The following RIMS2 variants were observed in gnomAD, a reference collection of about 807,000 sequenced individuals.
The protein encoded by RIMS2 is regulating synaptic membrane exocytosis 2, also known as regulating synaptic membrane exocytosis protein 2.
Under a neutral mutation model 174.4 loss-of-function variants are expected in RIMS2, and 59 were observed. The ratio of observed to expected loss-of-function variants is 0.34; its 90% CI spans 0.27 to 0.42. RIMS2 has a LOEUF of 0.42. Ranked by LOEUF, RIMS2 falls within the 10% of genes least tolerant of loss-of-function variation. The pLI is 1.00. For synonymous variants in RIMS2, 606 were observed against 572.5 expected (o/e 1.06, Z -0.84); for missense variants, 1,620 against 1,666.3 (o/e 0.97, Z 0.48).
intron 1 of RIMS2, among the ~76,000 whole-genome samples, chr8:103,673,800 A>C (rs2096775221): frequency 6.6e-6 from 1 of 152,244 alleles, no homozygotes; most frequent in African/African-American, 2.4e-5. Context: ...CTTCACAGCC[A>C]GCTTGAATTC....
At chr8:103,982,437 A>AT (rs1427852914) in intron 16 of RIMS2, among the ~76,000 whole-genome samples, 2 of 140,906 alleles carry the variant, frequency 1.4e-5, no homozygotes, top group African/African-American at 5.1e-5. Flanking sequence ...ACAAAGACAC[A>AT]TAAAAAAAAA....
intron 4 of RIMS2, among the ~76,000 whole-genome samples, chr8:103,901,896 C>T (rs1234739875): frequency 6.6e-6 from 1 of 152,154 alleles, no homozygotes; most frequent in Non-Finnish European, 1.5e-5. Flanking sequence ...ATTCTAAAAT[C>T]TGCTGCTTTC....
At chr8:103,628,223 T>C (rs963576740) in intron 1 of RIMS2, among the ~76,000 whole-genome samples, 12 of 152,218 alleles carry the variant, frequency 7.9e-5, no homozygotes, top group Admixed American at 7.8e-4. Flanking sequence ...TCTCTACTAA[T>C]TACAATTTTA....
chr8:103,629,797 A>G (rs1185574915), intron 1 of RIMS2, among the ~76,000 whole-genome samples: 2 of 152,146 alleles, frequency 1.3e-5, no homozygotes, highest in African/African-American at 2.4e-5. Context: ...GCAGGACAAG[A>G]TGAAATAGGA....
chr8:103,718,967 A>T (rs2097409824), intron 2 of RIMS2, among the ~76,000 whole-genome samples: 1 of 152,032 alleles, frequency 6.6e-6, no homozygotes, highest in Non-Finnish European at 1.5e-5. Context: ...GACATTTTTA[A>T]CTTCCTTCCC....
chr8:104,165,787 C>A (rs2098793102), intron 19 of RIMS2, among the ~76,000 whole-genome samples: 1 of 152,122 alleles, frequency 6.6e-6, no homozygotes, highest in East Asian at 1.9e-4. Flanking sequence ...ATCAGACTAG[C>A]ACTAAGCACT....
At chr8:104,170,701 T>C (rs1463217449) in intron 19 of RIMS2, among the ~76,000 whole-genome samples, 1 of 152,112 alleles carries the variant, frequency 6.6e-6, no homozygotes, top group Non-Finnish European at 1.5e-5. Context: ...TTCATCATAT[T>C]AGCTGTTACC....
chr8:103,667,680 G>A (rs892670671), intron 1 of RIMS2, among the ~76,000 whole-genome samples: 5 of 152,188 alleles, frequency 3.3e-5, no homozygotes, highest in Admixed American at 1.3e-4. Context: ...GCTCATAGAG[G>A]TATAAGCAAG....
chr8:103,890,744 G>T (rs1307498664), intron 4 of RIMS2, among the ~76,000 whole-genome samples: 2 of 151,894 alleles, frequency 1.3e-5, no homozygotes, highest in Non-Finnish European at 2.9e-5. Flanking sequence ...GATTGCTAAT[G>T]TCATAGTATT....
At chr8:103,527,129 G>A (rs532136658) in intron 1 of RIMS2, among the ~76,000 whole-genome samples, 7 of 152,174 alleles carry the variant, frequency 4.6e-5, no homozygotes, top group South Asian at 2.1e-4. Context: ...AGAAAAAACC[G>A]CACAGTTAGC....
At chr8:103,670,056 A>G (rs1055197092) in intron 1 of RIMS2, among the ~76,000 whole-genome samples, 3 of 152,232 alleles carry the variant, frequency 2.0e-5, no homozygotes, top group African/African-American at 7.2e-5. Flanking sequence ...AGGCGTCTCC[A>G]TACATCCTCT....
rs140339019 is a variant in RIMS2, at chr8:103,971,175, C to T, written c.2771-4175C>T. On this transcript the variant is annotated intron_variant, in intron 15 of 23. Transcript: ENST00000504942. ...ATTTTAGAATTATTTTCTACTCTGA[C>T]CTGAAACAATACACACAAATGTAAA... 3.3e-3 allele frequency among the ~76,000 whole-genome samples: 501 copies of T among 152,194 alleles called. 2 individuals are homozygous for T. The highest frequency in any genetic ancestry group is 0.011 in the African/African-American group (475 of 41,510).
intron 2 of RIMS2, among the ~76,000 whole-genome samples, chr8:103,763,039 T>C (rs2098128997): frequency 6.6e-6 from 1 of 152,148 alleles, no homozygotes; most frequent in African/African-American, 2.4e-5. Context: ...TTGATGTGGG[T>C]AGATCCGGAA....
At chr8:103,716,899 C>T (rs920408165) in intron 2 of RIMS2, among the ~76,000 whole-genome samples, 23 of 152,132 alleles carry the variant, frequency 1.5e-4, no homozygotes, top group Admixed American at 3.9e-4. Flanking sequence ...CAGGTAGATA[C>T]GACTAGACTA....
chr8:103,735,673 T>G (rs2097676241), intron 2 of RIMS2, among the ~76,000 whole-genome samples: 1 of 152,320 alleles, frequency 6.6e-6, no homozygotes, highest in African/African-American at 2.4e-5. Context: ...CCTAAGTGTT[T>G]TCTTGGAATA....
chr8:104,015,705 A>C (rs2095882423), intron 19 of RIMS2, among the ~76,000 whole-genome samples: 1 of 152,112 alleles, frequency 6.6e-6, no homozygotes, highest in Non-Finnish European at 1.5e-5. Flanking sequence ...ATGACCAGAT[A>C]AAATGTGCTC....
At chr8:103,786,900 G>A (rs992613724) in intron 3 of RIMS2, among the ~76,000 whole-genome samples, 29 of 151,992 alleles carry the variant, frequency 1.9e-4, no homozygotes, top group Admixed American at 5.2e-4. Context: ...TAATGTGTGG[G>A]AGTCTAAGTC....
intron 1 of RIMS2, among the ~76,000 whole-genome samples, chr8:103,555,779 A>G (rs1177643281): frequency 1.4e-5 from 2 of 145,400 alleles, no homozygotes; most frequent in Non-Finnish European, 3.0e-5. Flanking sequence ...TGGGTGTCAG[A>G]GCGAGACCCT....
chr8:103,525,439 A>G (rs890604232), intron 1 of RIMS2, among the ~76,000 whole-genome samples: 3 of 152,282 alleles, frequency 2.0e-5, no homozygotes, highest in Admixed American at 6.5e-5. Flanking sequence ...TCAATGTGCT[A>G]CCCACTGTTT....
Sources: gnomAD v4.1 joint callset for allele counts (sites outside exome capture counted in the v4.1 genomes callset) on GRCh38, gnomAD v4.1.1 for gene constraint, MANE v1.5 for transcripts, NCBI Gene and HGNC (gene_info 2026-07-23, HGNC 2026-07-21) for gene names.